ASIC2: variants seen among roughly 807,000 people sequenced by gnomAD.
The protein encoded by ASIC2 is acid sensing ion channel subunit 2.
Under a neutral mutation model 57.3 loss-of-function variants are expected in ASIC2, and 25 were observed. The observed-to-expected ratio is 0.44, with a 90% CI of 0.32 to 0.61. The LOEUF (loss-of-function observed/expected upper bound fraction) is 0.61. ASIC2 is among the 20% of genes least tolerant of loss of function. The pLI, the probability that ASIC2 is intolerant of heterozygous loss-of-function variation, is 0.06. For missense variants in ASIC2, 641 were observed against 738.1 expected (o/e 0.87, Z 1.52); for synonymous variants, 319 against 307.5 (o/e 1.04, Z -0.39).
In ASIC2 at chr17:33,088,574, A is replaced by T. The variant is rs571144039; in HGVS notation, c.987+289T>A. 9.0e-3 allele frequency among the ~76,000 whole-genome samples: 1,367 copies of T among 151,788 alleles called. 13 individuals carry two copies. Among genetic ancestry groups the T allele is most frequent in the Non-Finnish European group, 0.013 (905 of 67,850 alleles). ...AGCATCCCCTGGCCAAAAAAAAAAA[A>T]TTTTTTTTAAATTAACTTGTACAAA... is the stretch of plus-strand genomic sequence containing the variant. On this transcript the variant is annotated intron_variant, in intron 3 of 9. Transcript: ENST00000225823.
intron 1 of ASIC2, among the ~76,000 whole-genome samples, chr17:34,020,607 T>C (rs1007020823): frequency 6.6e-6 from 1 of 152,142 alleles, no homozygotes; most frequent in Non-Finnish European, 1.5e-5. Context: ...GGGAGTAATA[T>C]AGAAAGCATG....
Position 34,156,350 on chromosome 17 carries a change from A to G in ASIC2, c.183T>C (p.Ser61=), listed in dbSNP as rs770383826. The G allele has an allele frequency of 1.9e-6, 3 of 1,614,228 alleles. No homozygotes were observed. The highest frequency in any genetic ancestry group is 1.7e-5 in the Admixed American group (1 of 60,030). ...AGGAGAAGTAGTAGGACACCCTCTC[A>G]GAGCTCTCCACCAGCAGCAGGCCCA... The change falls in exon 1 of 10, where the codon TCT becomes TCC. Residue 61 remains serine, a synonymous_variant. Coordinates refer to the ASIC2 transcript ENST00000359872. This position sits in a 1 kb window ranked among gnomAD's most constrained non-coding sequence, Gnocchi z 4.4.
intron 1 of ASIC2, among the ~76,000 whole-genome samples, chr17:33,687,257 T>G (rs1040010211): frequency 6.6e-6 from 1 of 152,122 alleles, no homozygotes; most frequent in Non-Finnish European, 1.5e-5. Context: ...CGGAGTGGCG[T>G]CAGTACCAGG....
At chr17:34,002,555 G>T (rs1310812055) in intron 1 of ASIC2, 2 of 152,212 alleles carry the variant, frequency 1.3e-5, no homozygotes, top group East Asian at 1.9e-4. Flanking sequence ...AGCAGGAAAG[G>T]TGCTCTCCTC....
At chr17:33,469,168 T>G (rs1335019381) in intron 1 of ASIC2, among the ~76,000 whole-genome samples, 3 of 152,184 alleles carry the variant, frequency 2.0e-5, no homozygotes, top group Non-Finnish European at 4.4e-5. Context: ...ACAGGTACTA[T>G]GGAGTGCCTT....
intron 1 of ASIC2, among the ~76,000 whole-genome samples, chr17:33,912,732 C>T (rs897362195): frequency 1.3e-5 from 2 of 151,592 alleles, no homozygotes; most frequent in African/African-American, 4.9e-5. Context: ...GTAATCCCAG[C>T]ACTTTGGGAG....
intron 1 of ASIC2, among the ~76,000 whole-genome samples, chr17:33,126,161 A>C (rs189973049): frequency 5.3e-5 from 8 of 152,318 alleles, no homozygotes; most frequent in Admixed American, 2.6e-4. Flanking sequence ...AGGGAAGGTG[A>C]GTTACTTGCA....
chr17:33,269,275 G>T (rs1466090654), intron 1 of ASIC2, among the ~76,000 whole-genome samples: 1 of 152,146 alleles, frequency 6.6e-6, no homozygotes, highest in East Asian at 1.9e-4. Context: ...TAGTTATTGT[G>T]GGAGATTTGT....
In ASIC2 at chr17:33,013,909, C is replaced by T; in HGVS notation, c.*56G>A. The T allele has an allele frequency of 2.8e-6, 4 of 1,435,144 alleles. No individual in the cohort carries two copies. The highest frequency in any genetic ancestry group is 3.8e-6 in the Non-Finnish European group (4 of 1,040,394). The allele number at this position is 1,435,144 out of a possible 1,614,324, so 88.9% of individuals were successfully genotyped here. A position where few individuals can be genotyped will look rare whatever the true frequency, so the allele number is the denominator to read the frequency against. On this transcript the variant is annotated 3_prime_UTR_variant, in exon 10 of 10. Transcript: ENST00000225823. The stretch of plus-strand genomic sequence containing the variant: ...CCACCTGAGCTTGCTGTTCCTTGTC[C>T]TGGGTCTTGGGCCTCAAGGTCTGTT...
intron 1 of ASIC2, among the ~76,000 whole-genome samples, chr17:33,510,727 T>C (rs186958340): frequency 1.3e-5 from 2 of 152,296 alleles, no homozygotes; most frequent in African/African-American, 2.4e-5. Context: ...ACTGGCATTG[T>C]TCCTTTGGAC....
intron 3 of ASIC2, among the ~76,000 whole-genome samples, chr17:33,049,155 C>T (rs114435420): frequency 1.7e-3 from 262 of 152,268 alleles, no homozygotes; most frequent in African/African-American, 5.8e-3. Context: ...GACAGCAGTA[C>T]GGCCCCACAG....
chr17:33,123,428 A>AT (rs2092310732), intron 1 of ASIC2, among the ~76,000 whole-genome samples: 1 of 152,212 alleles, frequency 6.6e-6, no homozygotes, highest in African/African-American at 2.4e-5. Context: ...TCTCACTTAT[A>AT]TATGTGGAAT....
intron 1 of ASIC2, among the ~76,000 whole-genome samples, chr17:33,732,001 T>C (rs1909757688): frequency 6.6e-6 from 1 of 152,322 alleles, no homozygotes; most frequent in Middle Eastern, 3.4e-3. Flanking sequence ...ATAAAATGTA[T>C]CATGAATGCA....
intron 1 of ASIC2, among the ~76,000 whole-genome samples, chr17:33,201,297 A>G (rs1290375094): frequency 2.6e-5 from 4 of 152,190 alleles, no homozygotes; most frequent in Non-Finnish European, 4.4e-5. Context: ...TGTTGGCTCA[A>G]TGAATGAACG....
At chr17:33,478,930 C>T (rs1184229945) in intron 1 of ASIC2, among the ~76,000 whole-genome samples, 9 of 152,170 alleles carry the variant, frequency 5.9e-5, no homozygotes, top group Admixed American at 5.9e-4. Flanking sequence ...GTTCAGGTTG[C>T]ATGTCAAGAT....
At chr17:33,735,367 T>C (rs546492455) in intron 1 of ASIC2, among the ~76,000 whole-genome samples, 1 of 152,318 alleles carries the variant, frequency 6.6e-6, no homozygotes, top group East Asian at 1.9e-4. Flanking sequence ...TCCGTGCTTT[T>C]CCTGGTACAG....
chr17:33,724,628 A>C (rs541478321), intron 1 of ASIC2, among the ~76,000 whole-genome samples: 1 of 152,210 alleles, frequency 6.6e-6, no homozygotes, highest in Non-Finnish European at 1.5e-5. Flanking sequence ...TGGCCTGTGC[A>C]CTTGGCAGAA....
intron 1 of ASIC2, among the ~76,000 whole-genome samples, chr17:33,789,611 G>A (rs1565508): frequency 0.56 from 84,721 of 151,850 alleles, 24,660 homozygotes; most frequent in Non-Finnish European, 0.65. Flanking sequence ...ACATTTGCAA[G>A]CTATTTTACT....
chr17:33,589,568 C>T (rs1014590703), intron 1 of ASIC2, among the ~76,000 whole-genome samples: 1 of 152,150 alleles, frequency 6.6e-6, no homozygotes, highest in African/African-American at 2.4e-5. Context: ...TACTTTCTGT[C>T]TCTGTGAATT....
Sources: gnomAD v4.1 joint callset for allele counts (sites outside exome capture counted in the v4.1 genomes callset) on GRCh38, gnomAD v4.1.1 for gene constraint, Gnocchi (gnomAD v3.1) non-coding constraint, MANE v1.5 for transcripts, NCBI Gene and HGNC (gene_info 2026-07-23, HGNC 2026-07-21) for gene names.